AKT3: variants seen among roughly 807,000 people sequenced by gnomAD.
The protein encoded by AKT3 is AKT serine/threonine kinase 3, also known as RAC-gamma serine/threonine-protein kinase.
Under a neutral mutation model 65.3 loss-of-function variants are expected in AKT3, and 15 were observed. That is an observed-to-expected ratio of 0.23 (90% CI 0.15 to 0.35). AKT3 has a LOEUF of 0.35. Ranked by LOEUF, AKT3 falls within the 10% of genes least tolerant of loss-of-function variation. The pLI is 1.00. For missense variants in AKT3, 243 were observed against 576.5 expected (o/e 0.42, Z 5.92); for synonymous variants, 206 against 183.8 (o/e 1.12, Z -0.98).
At chr1:243,812,248 G>A (rs1693209730) in intron 2 of AKT3, among the ~76,000 whole-genome samples, 1 of 152,080 alleles carries the variant, frequency 6.6e-6, no homozygotes, top group Admixed American at 6.6e-5. Context: ...CTACAGAATG[G>A]CAGAAAATTT....
chr1:243,720,252 C>T (rs542373510), intron 2 of AKT3, among the ~76,000 whole-genome samples: 15 of 151,826 alleles, frequency 9.9e-5, no homozygotes, highest in Admixed American at 6.5e-4. Context: ...GAGCCAAGAC[C>T]GTGCCATTGC....
Position 243,620,406 on chromosome 1 carries a change from ATTTGCATTTCC to A in AKT3, c.562-5256_562-5246del, listed in dbSNP as rs1225204103. ...CAGATGATATCACATTGTGGTTTTG[ATTTGCATTTCC>A]CTGATGAGTAGTGATATGACACACT... On this transcript the variant is annotated intron_variant, in intron 6 of 13. Transcript: ENST00000673466. Among the ~76,000 whole-genome samples the A allele has an allele frequency of 3.6e-4, 15 of 41,168 alleles. 6 individuals are homozygous for A. The highest frequency in any genetic ancestry group is 1.5e-3 in the East Asian group (2 of 1,378). 27.0% of individuals were successfully genotyped at this position (41,168 alleles called of 152,430 possible).
intron 8 of AKT3, among the ~76,000 whole-genome samples, chr1:243,580,096 T>C (rs1675221056): frequency 1.3e-5 from 2 of 152,140 alleles, no homozygotes; most frequent in South Asian, 2.1e-4. Context: ...CACTTGGACA[T>C]AGCAAGATAG....
At chr1:243,841,452 T>A (rs1017867964) in intron 2 of AKT3, among the ~76,000 whole-genome samples, 1 of 152,040 alleles carries the variant, frequency 6.6e-6, no homozygotes, top group Non-Finnish European at 1.5e-5. Context: ...AAAAGTAGAA[T>A]AATATAAATA....
In AKT3 at chr1:243,666,251, G is replaced by A. The variant is rs1460306436; in HGVS notation, c.173-1368C>T. Among the ~76,000 whole-genome samples the A allele has an allele frequency of 2.6e-5, 4 of 151,960 alleles. No individual in the cohort carries two copies. The South Asian group carries it at 6.2e-4, about 24-fold the overall frequency. Reference sequence around the variant, plus strand: ...ACTCCTGACCTCAAGTGATCCGCCCGCCTCGGCCTCCCAAAGTGCTGGGAT... The same window carrying A: ...ACTCCTGACCTCAAGTGATCCGCCCACCTCGGCCTCCCAAAGTGCTGGGAT... On this transcript the variant is annotated intron_variant, in intron 3 of 13. Transcript: ENST00000673466.
At chr1:243,510,392 T>C (rs1010850400) in intron 13 of AKT3, among the ~76,000 whole-genome samples, 5 of 151,942 alleles carry the variant, frequency 3.3e-5, no homozygotes, top group Non-Finnish European at 2.9e-5. Flanking sequence ...GTGGCGGAAA[T>C]AGACACTAAC....
intron 2 of AKT3, among the ~76,000 whole-genome samples, chr1:243,837,968 G>A (rs921396163): frequency 6.6e-6 from 1 of 152,138 alleles, no homozygotes; most frequent in Non-Finnish European, 1.5e-5. Context: ...CAGATAACTT[G>A]ACCATCTATG....
At chr1:243,649,792 CT>C (rs973720247) in intron 4 of AKT3, among the ~76,000 whole-genome samples, 3 of 152,018 alleles carry the variant, frequency 2.0e-5, no homozygotes, top group Non-Finnish European at 2.9e-5. Context: ...ATGTACCACA[CT>C]TTTTTTATCC....
At chr1:243,704,687 C>T (rs902019442) in intron 2 of AKT3, among the ~76,000 whole-genome samples, 3 of 152,088 alleles carry the variant, frequency 2.0e-5, no homozygotes, top group African/African-American at 7.2e-5. Context: ...GGCACTGCAT[C>T]ATCCTGCATT....
At chr1:243,514,433 C>T (rs191558172) in intron 12 of AKT3, among the ~76,000 whole-genome samples, 30 of 152,284 alleles carry the variant, frequency 2.0e-4, no homozygotes, top group Admixed American at 1.8e-3. Context: ...TTCCTGACCG[C>T]CTTCTTACAT....
intron 2 of AKT3, among the ~76,000 whole-genome samples, chr1:243,699,534 T>C (rs1269729926): frequency 7.2e-6 from 1 of 138,660 alleles, no homozygotes; most frequent in Non-Finnish European, 1.5e-5. Context: ...GTGCTTCCAC[T>C]TCTTTCTCAC....
intron 3 of AKT3, among the ~76,000 whole-genome samples, chr1:243,666,302 C>T (rs1264037322): frequency 6.6e-6 from 1 of 152,142 alleles, no homozygotes; most frequent in African/African-American, 2.4e-5. Context: ...CCGTATCCAG[C>T]CCCAGATTAG....
At chr1:243,655,427 TATGA>T (rs1681700030) in intron 4 of AKT3, among the ~76,000 whole-genome samples, 1 of 152,192 alleles carries the variant, frequency 6.6e-6, no homozygotes, top group African/African-American at 2.4e-5. Flanking sequence ...CTAGAGTTCC[TATGA>T]ATATGATTCT....
At chr1:243,668,820 T>C (rs1682976361) in intron 3 of AKT3, among the ~76,000 whole-genome samples, 1 of 152,136 alleles carries the variant, frequency 6.6e-6, no homozygotes, top group Non-Finnish European at 1.5e-5. Context: ...GATACTCAAC[T>C]AAGAAACTTA....
chr1:243,587,480 C>T (rs1295318528), intron 8 of AKT3, among the ~76,000 whole-genome samples: 8 of 151,954 alleles, frequency 5.3e-5, no homozygotes, highest in Admixed American at 2.0e-4. Flanking sequence ...GGCATGGTGG[C>T]GGGCGCTGTA....
At chr1:243,582,468 A>G (rs1055671053) in intron 8 of AKT3, among the ~76,000 whole-genome samples, 4 of 146,252 alleles carry the variant, frequency 2.7e-5, no homozygotes, top group African/African-American at 5.1e-5. Context: ...AAAAAAAAAA[A>G]AAAGAAATTC....
intron 2 of AKT3, among the ~76,000 whole-genome samples, chr1:243,763,439 T>A (rs1689622731): frequency 6.6e-6 from 1 of 152,116 alleles, no homozygotes; most frequent in African/African-American, 2.4e-5. Flanking sequence ...CCTTAATATT[T>A]ACTTTAGGCT....
chr1:243,595,528 A>G (rs961355113), intron 8 of AKT3, among the ~76,000 whole-genome samples: 1 of 152,236 alleles, frequency 6.6e-6, no homozygotes, highest in Non-Finnish European at 1.5e-5. Context: ...TGACTCTTTT[A>G]TAACAGTTTA....
At chr1:243,651,440 A>G (rs1372945059) in intron 4 of AKT3, among the ~76,000 whole-genome samples, 2 of 152,042 alleles carry the variant, frequency 1.3e-5, no homozygotes, top group Non-Finnish European at 2.9e-5. Flanking sequence ...GTTGAATAGG[A>G]GTGGTGAGAG....
Sources: gnomAD v4.1 joint callset for allele counts (sites outside exome capture counted in the v4.1 genomes callset) on GRCh38, gnomAD v4.1.1 for gene constraint, MANE v1.5 for transcripts, NCBI Gene and HGNC (gene_info 2026-07-23, HGNC 2026-07-21) for gene names.